Variants in PTPRK observed in about 807,000 individuals in gnomAD.
PTPRK encodes receptor-type tyrosine-protein phosphatase kappa.
Under a neutral mutation model 178.0 loss-of-function variants are expected in PTPRK, and 75 were observed. The ratio of observed to expected loss-of-function variants is 0.42; its 90% CI spans 0.35 to 0.51. The LOEUF is 0.51. Ranked by LOEUF, PTPRK falls within the 20% of genes least tolerant of loss-of-function variation. The pLI is 0.02. For synonymous variants in PTPRK, 637 were observed against 620.6 expected (o/e 1.03, Z -0.39); for missense variants, 1,441 against 1,797.8 (o/e 0.80, Z 3.59).
intron 13 of PTPRK, among the ~76,000 whole-genome samples, chr6:128,026,283 T>C (rs1209323877): frequency 1.3e-5 from 2 of 152,240 alleles, no homozygotes; most frequent in Non-Finnish European, 2.9e-5. Flanking sequence ...ATGTAAATAC[T>C]AGCTGCAGAA....
intron 1 of PTPRK, chr6:128,491,710 A>G (rs771109905): frequency 2.0e-6 from 1 of 492,230 alleles, no homozygotes; most frequent in East Asian, 5.8e-5. Flanking sequence ...ACATTAATCT[A>G]TCATTTTTTT....
At position 128,000,038 on chromosome 6, in the gene PTPRK, C is replaced by T. The variant is rs183230354; in HGVS notation, c.2495-1134G>A. 336 of 960,848 alleles carry T rather than the reference C, an allele frequency of 3.5e-4. 1 individual carries two copies. The African/African-American group carries it at 5.2e-3, about 15-fold the overall frequency. 59.5% of individuals were successfully genotyped at this position (960,848 alleles called of 1,614,324 possible). On this transcript the variant is annotated intron_variant, in intron 15 of 29. Coordinates refer to ENST00000368226, the MANE Select transcript of PTPRK (RefSeq NM_002844.4). ...ATGACCGAAGTACTAAACATTACAA[C>T]GAGAAGCATGCTCATATTTATCACA... is the stretch of plus-strand genomic sequence containing the variant.
chr6:128,519,936 G>A lies in PTPRK; in HGVS notation c.100+323C>T, dbSNP rs1306396580. ...ACCACAAGCAACAGAGTGCCGTCAC[G>A]GGAGTCGTAACTACTTTTTCTTTCT... On this transcript the variant is annotated intron_variant, in intron 1 of 29. Transcript: ENST00000368226. This position sits in a 1 kb window ranked among gnomAD's most constrained non-coding sequence, Gnocchi z 4.3. Among the ~76,000 whole-genome samples the A allele has an allele frequency of 1.3e-5, 2 of 152,292 alleles. No homozygotes were observed. Among genetic ancestry groups the A allele is most frequent in the East Asian group, 1.9e-4 (1 of 5,162 alleles).
intron 1 of PTPRK, among the ~76,000 whole-genome samples, chr6:128,509,448 T>G (rs1220348958): frequency 6.6e-6 from 1 of 152,166 alleles, no homozygotes; most frequent in Non-Finnish European, 1.5e-5. Context: ...CACTTAAACA[T>G]GCAAATATAT....
At chr6:128,395,434 G>A (rs1351598648) in intron 2 of PTPRK, among the ~76,000 whole-genome samples, 1 of 152,124 alleles carries the variant, frequency 6.6e-6, no homozygotes, top group Non-Finnish European at 1.5e-5. Context: ...GAGCCAACAA[G>A]GTCATCTGAG....
chr6:127,985,576 A>G, intron 22 of PTPRK, 145 bp downstream of exon 22: 5 of 915,496 alleles, frequency 5.5e-6, no homozygotes. Context: ...GCCAACTTTT[A>G]TTTTATTGCT....
intron 3 of PTPRK, among the ~76,000 whole-genome samples, chr6:128,300,985 TATA>T (rs991755403): frequency 3.3e-5 from 5 of 152,042 alleles, no homozygotes; most frequent in African/African-American, 1.2e-4. Context: ...TAGTCTTACT[TATA>T]ATGTTAGCTG....
At chr6:128,363,852 T>C (rs1250492886) in intron 2 of PTPRK, among the ~76,000 whole-genome samples, 3 of 152,178 alleles carry the variant, frequency 2.0e-5, no homozygotes, top group African/African-American at 2.4e-5. Context: ...GCCCAGACTT[T>C]AGATTTATAG....
intron 1 of PTPRK, among the ~76,000 whole-genome samples, chr6:128,421,050 A>C (rs1843417402): frequency 6.6e-6 from 1 of 152,192 alleles, no homozygotes; most frequent in South Asian, 2.1e-4. Context: ...CTAGTTGCTT[A>C]TAAAAAACAC....
At chr6:128,424,372 T>C (rs1262739775) in intron 1 of PTPRK, among the ~76,000 whole-genome samples, 2 of 152,192 alleles carry the variant, frequency 1.3e-5, no homozygotes, top group Admixed American at 1.3e-4. Flanking sequence ...CTGGTCAAGT[T>C]AATATCTGGA....
At chr6:128,240,555 G>T (rs968645433) in intron 4 of PTPRK, among the ~76,000 whole-genome samples, 9 of 152,032 alleles carry the variant, frequency 5.9e-5, no homozygotes, top group Non-Finnish European at 1.3e-4. Flanking sequence ...AACATATAAT[G>T]ATTTCTAAAC....
In PTPRK at chr6:128,242,501, A is replaced by G; in HGVS notation, c.577+20T>C. 6.2e-7 allele frequency: 1 copy of G among 1,607,240 alleles called. No homozygotes were observed. Among genetic ancestry groups the G allele is most frequent in the Non-Finnish European group, 8.5e-7 (1 of 1,177,986 alleles). On this transcript the variant is annotated intron_variant, in intron 4 of 29. Transcript: ENST00000368226. ...GTGTGGAAAGGACATAGAAAAATAC[A>G]ATTCTTAATCACAACCTACCACAAG...
chr6:128,108,118 A>ACACACACACACAC (rs1491089565), intron 7 of PTPRK, among the ~76,000 whole-genome samples: 2 of 148,160 alleles, frequency 1.3e-5, no homozygotes, highest in Non-Finnish European at 3.0e-5. Flanking sequence ...ACACACACAC[A>ACACACACACACAC]AATTTCACTC....
chr6:127,995,153 G>A (rs1777001743), intron 18 of PTPRK: 4 of 1,255,500 alleles, frequency 3.2e-6, no homozygotes, highest in Non-Finnish European at 4.5e-6. Flanking sequence ...GAAGCATGCA[G>A]AAATAACTAG....
intron 6 of PTPRK, among the ~76,000 whole-genome samples, chr6:128,203,356 G>C (rs1258327282): frequency 1.3e-5 from 2 of 152,122 alleles, no homozygotes; most frequent in African/African-American, 4.8e-5. Flanking sequence ...CATTCCCCTT[G>C]AAAACCAGTA....
intron 6 of PTPRK, among the ~76,000 whole-genome samples, chr6:128,218,548 T>G (rs949267099): frequency 1.3e-5 from 2 of 152,202 alleles, no homozygotes; most frequent in African/African-American, 4.8e-5. Flanking sequence ...GGACCTTGAC[T>G]TCATTGCCAC....
At chr6:128,035,280 C>T (rs964682803) in intron 13 of PTPRK, among the ~76,000 whole-genome samples, 8 of 152,056 alleles carry the variant, frequency 5.3e-5, no homozygotes, top group South Asian at 2.1e-4. Flanking sequence ...GTGGGAGAAT[C>T]GCTTGAAACT....
chr6:128,506,889 T>C (rs914627223), intron 1 of PTPRK, among the ~76,000 whole-genome samples: 1 of 152,068 alleles, frequency 6.6e-6, no homozygotes, highest in Admixed American at 6.6e-5. Context: ...TTTTAAGAGA[T>C]AACAGCATGA....
chr6:128,465,435 T>C (rs964842669), intron 1 of PTPRK, among the ~76,000 whole-genome samples: 1 of 152,176 alleles, frequency 6.6e-6, no homozygotes, highest in African/African-American at 2.4e-5. Flanking sequence ...TTATAAAATA[T>C]TTGGGAATTC....
Sources: gnomAD v4.1 joint callset for allele counts (sites outside exome capture counted in the v4.1 genomes callset) on GRCh38, gnomAD v4.1.1 for gene constraint, Gnocchi (gnomAD v3.1) non-coding constraint, MANE v1.5 for transcripts, NCBI Gene and HGNC (gene_info 2026-07-23, HGNC 2026-07-21) for gene names.